DLGAP2: variants seen among roughly 807,000 people sequenced by gnomAD.
The protein encoded by DLGAP2 is disks large-associated protein 2.
In DLGAP2, 26 loss-of-function variants were observed where a neutral mutation model predicts 100.3. That is an observed-to-expected ratio of 0.26 (90% confidence interval 0.19 to 0.36). The LOEUF (loss-of-function observed/expected upper bound fraction) is 0.36, where lower values mean the gene tolerates loss of function less well. Among genes scored for constraint, DLGAP2 ranks in the 10% least tolerant of loss-of-function variants. The pLI is 1.00. For synonymous variants in DLGAP2, 886 were observed against 630.1 expected (o/e 1.41, Z -6.08); for missense variants, 1,858 against 1,453.2 (o/e 1.28, Z -4.53).
At chr8:925,773 C>A (rs921392123) in intron 2 of DLGAP2, among the ~76,000 whole-genome samples, 1 of 152,164 alleles carries the variant, frequency 6.6e-6, no homozygotes, top group Non-Finnish European at 1.5e-5. Context: ...AGTCTGAGAT[C>A]TGCTCAGCCA....
At chr8:1,679,979 CAAAAAAAAAAA>C (rs760100523) in intron 12 of DLGAP2, among the ~76,000 whole-genome samples, 6 of 63,518 alleles carry the variant, frequency 9.4e-5, no homozygotes, top group South Asian at 8.1e-4. Flanking sequence ...GACTCTGTCT[CAAAAAAAAAAA>C]AAAAAAAAAA....
chr8:1,128,926 G>A (rs1186012072), intron 2 of DLGAP2, among the ~76,000 whole-genome samples: 1 of 152,192 alleles, frequency 6.6e-6, no homozygotes, highest in Non-Finnish European at 1.5e-5. Flanking sequence ...AGCTCCATGA[G>A]GCAGGGTGGC....
intron 1 of DLGAP2, 52 bp from the exon 2 acceptor site, chr8:907,860 T>A: frequency 2.5e-6 from 1 of 398,580 alleles, no homozygotes; most frequent in Non-Finnish European, 4.4e-6. Flanking sequence ...ATGAGATGCC[T>A]TCCTCCACGC....
chr8:916,297 A>T (rs914734235), intron 2 of DLGAP2, among the ~76,000 whole-genome samples: 1 of 152,254 alleles, frequency 6.6e-6, no homozygotes, highest in African/African-American at 2.4e-5. Flanking sequence ...TCATGAAACC[A>T]TCGGATTAAG....
At chr8:903,532 G>T (rs534195793) in intron 1 of DLGAP2, among the ~76,000 whole-genome samples, 5 of 152,238 alleles carry the variant, frequency 3.3e-5, no homozygotes, top group Non-Finnish European at 7.4e-5. Context: ...GCCAGTGTCA[G>T]ATTACTTCCC....
At chr8:1,515,591 AAT>A (rs1263502472) in intron 4 of DLGAP2, among the ~76,000 whole-genome samples, 2 of 151,956 alleles carry the variant, frequency 1.3e-5, no homozygotes, top group Non-Finnish European at 2.9e-5. Flanking sequence ...GACATGCAAA[AAT>A]ATGCAGACAC....
intron 1 of DLGAP2, among the ~76,000 whole-genome samples, chr8:855,947 ACT>A (rs1797268075): frequency 6.6e-6 from 1 of 152,196 alleles, no homozygotes; most frequent in South Asian, 2.1e-4. Context: ...CTAAGTTCTT[ACT>A]AAATGATGAG....
Position 1,518,401 on chromosome 8 carries a change from T to G in DLGAP2, c.172+16970T>G, listed in dbSNP as rs144743842. 6.1e-3 allele frequency among the ~76,000 whole-genome samples: 930 copies of G among 152,342 alleles called. 10 individuals carry two copies. The highest frequency in any genetic ancestry group is 8.6e-3 in the Non-Finnish European group (586 of 68,030). ...ACCGAGTGGAGGTTTAAGATGGACT[T>G]TTAAATACAAATTATGAAGGGAAAA... On this transcript the variant is annotated intron_variant, in intron 4 of 14. Coordinates refer to ENST00000637795, the MANE Select transcript of DLGAP2 (RefSeq NM_001346810.2).
intron 1 of DLGAP2, among the ~76,000 whole-genome samples, chr8:808,451 C>A (rs2132666593): frequency 6.6e-6 from 1 of 152,276 alleles, no homozygotes; most frequent in East Asian, 1.9e-4. Flanking sequence ...GAGGGAGTAG[C>A]CCCTGGAAGG....
intron 8 of DLGAP2, among the ~76,000 whole-genome samples, chr8:1,664,501 C>T (rs1161024959): frequency 1.3e-5 from 2 of 152,190 alleles, no homozygotes; most frequent in Non-Finnish European, 2.9e-5. Context: ...GGCTCTTAGG[C>T]TCTAGATAAA....
At chr8:1,447,157 C>T (rs1370747632) in intron 3 of DLGAP2, among the ~76,000 whole-genome samples, 1 of 152,216 alleles carries the variant, frequency 6.6e-6, no homozygotes, top group Non-Finnish European at 1.5e-5. Context: ...GAGAGGGCAT[C>T]CCTGTCTTGT....
chr8:1,414,482 G>T (rs1302179794), intron 3 of DLGAP2, among the ~76,000 whole-genome samples: 1 of 152,232 alleles, frequency 6.6e-6, no homozygotes, highest in Non-Finnish European at 1.5e-5. Flanking sequence ...CCAGGCCGGG[G>T]GTCCCAGTGC....
At chr8:975,947 C>T (rs1800151700) in intron 2 of DLGAP2, among the ~76,000 whole-genome samples, 2 of 151,964 alleles carry the variant, frequency 1.3e-5, no homozygotes, top group Admixed American at 6.6e-5. Flanking sequence ...TGGAAAAAAT[C>T]CAAAGAATCA....
intron 2 of DLGAP2, among the ~76,000 whole-genome samples, chr8:1,063,367 G>A (rs764597509): frequency 1.3e-5 from 2 of 152,120 alleles, no homozygotes; most frequent in African/African-American, 2.4e-5. Flanking sequence ...GGGTCTCTGC[G>A]ATCCCCGAGG....
intron 3 of DLGAP2, among the ~76,000 whole-genome samples, chr8:1,338,601 T>G (rs1801343491): frequency 6.6e-6 from 1 of 152,254 alleles, no homozygotes; most frequent in Non-Finnish European, 1.5e-5. Context: ...CACCAAGTTG[T>G]AAACCTTGAA....
At chr8:846,457 G>A (rs1193874073) in intron 1 of DLGAP2, among the ~76,000 whole-genome samples, 1 of 152,194 alleles carries the variant, frequency 6.6e-6, no homozygotes, top group Non-Finnish European at 1.5e-5. Flanking sequence ...GTTGCCCAAA[G>A]TGAAAGGATT....
At chr8:1,467,610 C>T (rs1399324812) in intron 3 of DLGAP2, among the ~76,000 whole-genome samples, 1 of 152,140 alleles carries the variant, frequency 6.6e-6, no homozygotes, top group African/African-American at 2.4e-5. Context: ...AGGGAGTGTT[C>T]GTGTCAAGTG....
chr8:1,373,415 C>T (rs1802300487), intron 3 of DLGAP2, among the ~76,000 whole-genome samples: 1 of 152,162 alleles, frequency 6.6e-6, no homozygotes, highest in Non-Finnish European at 1.5e-5. Flanking sequence ...CCCGGGCTTC[C>T]TGCCCGACAA....
chr8:1,172,094 C>G (rs1797141046), intron 2 of DLGAP2, among the ~76,000 whole-genome samples: 1 of 151,874 alleles, frequency 6.6e-6, no homozygotes, highest in African/African-American at 2.4e-5. Flanking sequence ...GACAAAATCT[C>G]TCAGCATTTG....
Sources: gnomAD v4.1 joint callset for allele counts (sites outside exome capture counted in the v4.1 genomes callset) on GRCh38, gnomAD v4.1.1 for gene constraint, MANE v1.5 for transcripts, NCBI Gene and HGNC (gene_info 2026-07-23, HGNC 2026-07-21) for gene names.